Variants in FGD4 observed in about 807,000 individuals in gnomAD.
FGD4 encodes FYVE, RhoGEF and PH domain containing 4, also known as FYVE, RhoGEF and PH domain-containing protein 4.
A neutral mutation model predicts 102.0 loss-of-function variants in FGD4; 42 were observed. The observed-to-expected ratio is 0.41, with a 90% CI of 0.32 to 0.53. FGD4 has a LOEUF of 0.53. Ranked by LOEUF, FGD4 falls within the 20% of genes least tolerant of loss-of-function variation. The probability of loss-of-function intolerance (pLI) is 0.21; values close to 1 mark genes in which losing one functional copy is unlikely to be tolerated. For synonymous variants in FGD4, 380 were observed against 375.7 expected, an observed-to-expected ratio of 1.01 and a Z score of -0.13; for missense variants, 902 against 1,078.2, an observed-to-expected ratio of 0.84 and a Z score of 2.29.
chr12:32,500,378 CTTATT>C (rs1359583089), intron 1 of FGD4, among the ~76,000 whole-genome samples: 29 of 148,658 alleles, frequency 2.0e-4, no homozygotes, highest in African/African-American at 4.7e-4. Flanking sequence ...TCTTTCTGAC[CTTATT>C]TTATTTTATT....
chr12:32,606,092 A>C (rs1333555846), intron 7 of FGD4, among the ~76,000 whole-genome samples: 1 of 152,220 alleles, frequency 6.6e-6, no homozygotes, highest in African/African-American at 2.4e-5. Flanking sequence ...TCTGAGCCAC[A>C]GTTTCTTCAT....
intron 1 of FGD4, among the ~76,000 whole-genome samples, chr12:32,562,933 C>A (rs970023537): frequency 2.2e-4 from 34 of 152,232 alleles, no homozygotes; most frequent in Admixed American, 6.5e-4. Flanking sequence ...GTTGGGTACA[C>A]CTCCCAGACG....
chr12:32,526,124 A>C (rs1303251387), intron 1 of FGD4, among the ~76,000 whole-genome samples: 1 of 152,242 alleles, frequency 6.6e-6, no homozygotes, highest in Non-Finnish European at 1.5e-5. Context: ...AGGTGAAGCC[A>C]GCTGGGCTCC....
chr12:32,399,694 A>C lies in FGD4; in HGVS notation c.-100A>C. 6.8e-7 allele frequency: 1 copy of C among 1,465,118 alleles called. No homozygotes were observed. Among genetic ancestry groups the C allele is most frequent in the Admixed American group, 2.4e-5 (1 of 41,824 alleles). 90.8% of individuals were successfully genotyped at this position (1,465,118 alleles called of 1,614,324 possible). On this transcript the variant is annotated 5_prime_UTR_variant, in exon 1 of 17. Coordinates refer to ENST00000534526, the MANE Select transcript of FGD4 (RefSeq NM_001370298.3). The stretch of plus-strand genomic sequence containing the variant: ...ACGCCGCAGTAGAGGGCGCCCCCGG[A>C]GTCGCGCCGAACCTGGGCATGCAGG...
chr12:32,629,682 C>T (rs1261852722), intron 14 of FGD4, among the ~76,000 whole-genome samples: 1 of 151,994 alleles, frequency 6.6e-6, no homozygotes, highest in African/African-American at 2.4e-5. Context: ...CCATTTTGTT[C>T]ATTTACTGTT....
chr12:32,599,695 G>A (rs1948237853), intron 5 of FGD4, among the ~76,000 whole-genome samples: 1 of 149,880 alleles, frequency 6.7e-6, no homozygotes, highest in Non-Finnish European at 1.5e-5. Context: ...TTACAGGCAT[G>A]CACCACCCAC....
chr12:32,446,555 T>C (rs1369511875), intron 1 of FGD4, among the ~76,000 whole-genome samples: 1 of 152,154 alleles, frequency 6.6e-6, no homozygotes, highest in African/African-American at 2.4e-5. Context: ...GAACAGTTCC[T>C]GAAATGAGGC....
intron 3 of FGD4, 35 bp from the exon 4 acceptor site, chr12:32,581,925 A>G (rs1422080521): frequency 6.8e-6 from 11 of 1,611,896 alleles, no homozygotes; most frequent in Middle Eastern, 3.3e-4. Flanking sequence ...TTCCATACCA[A>G]TGTTTTCATG....
chr12:32,616,065 A>C (rs1208917454), intron 10 of FGD4, among the ~76,000 whole-genome samples: 4 of 152,200 alleles, frequency 2.6e-5, no homozygotes, highest in Admixed American at 2.0e-4. Flanking sequence ...TGCTTAATAC[A>C]TCATTCTAGG....
intron 1 of FGD4, among the ~76,000 whole-genome samples, chr12:32,418,125 T>A (rs1941494824): frequency 6.6e-6 from 1 of 151,772 alleles, no homozygotes; most frequent in Admixed American, 6.6e-5. Flanking sequence ...CCCGGCTAAT[T>A]TTTTGTATTT....
chr12:32,448,522 T>A (rs1003774222), intron 1 of FGD4, among the ~76,000 whole-genome samples: 2 of 152,014 alleles, frequency 1.3e-5, no homozygotes, highest in Non-Finnish European at 2.9e-5. Context: ...CCAGGTGCGG[T>A]GGCACATGCC....
At chr12:32,508,082 T>G (rs1470162169) in intron 1 of FGD4, among the ~76,000 whole-genome samples, 2 of 152,158 alleles carry the variant, frequency 1.3e-5, no homozygotes, top group African/African-American at 4.8e-5. Context: ...TTCAGTGTGA[T>G]TGACATAGCA....
chr12:32,643,671 T>C lies in FGD4; in HGVS notation c.*3138T>C, dbSNP rs1259306580. The C allele has an allele frequency of 1.5e-5, 1 of 66,314 alleles. No individual in the cohort carries two copies. The highest frequency in any genetic ancestry group is 3.3e-5 in the Non-Finnish European group (1 of 30,330). 4.1% of individuals were successfully genotyped at this position (66,314 alleles called of 1,614,324 possible). On this transcript the variant is annotated 3_prime_UTR_variant, in exon 17 of 17. Transcript: ENST00000534526. ...TATATATATACGCACACGTTTGGAT[T>C]TTTTTTTTTTAAGAACACTTGTTCT... is the stretch of plus-strand genomic sequence containing the variant.
chr12:32,508,616 A>G (rs1939033815), intron 1 of FGD4, among the ~76,000 whole-genome samples: 1 of 152,214 alleles, frequency 6.6e-6, no homozygotes, highest in South Asian at 2.1e-4. Context: ...GTTAAGTCCA[A>G]CACTGCATGT....
intron 1 of FGD4, among the ~76,000 whole-genome samples, chr12:32,450,493 T>A (rs1170803791): frequency 6.6e-6 from 1 of 152,190 alleles, no homozygotes; most frequent in Admixed American, 6.5e-5. Context: ...TTTGACAAGT[T>A]CTTATAATTC....
At chr12:32,438,610 G>GTTTGTT (rs148955585) in intron 1 of FGD4, among the ~76,000 whole-genome samples, 17 of 149,848 alleles carry the variant, frequency 1.1e-4, no homozygotes, top group Middle Eastern at 3.4e-3. Flanking sequence ...TTGTTTGTTT[G>GTTTGTT]TGTGTGTTTT....
At chr12:32,480,727 C>T (rs1470798941) in intron 1 of FGD4, among the ~76,000 whole-genome samples, 5 of 149,910 alleles carry the variant, frequency 3.3e-5, no homozygotes, top group Admixed American at 6.6e-5. Flanking sequence ...TCTTGCTCTC[C>T]TGACCTCGTG....
intron 1 of FGD4, among the ~76,000 whole-genome samples, chr12:32,473,288 G>A (rs936223063): frequency 1.3e-5 from 2 of 151,886 alleles, no homozygotes; most frequent in Non-Finnish European, 2.9e-5. Context: ...TTGTTCTTTT[G>A]CTCTTTGCAA....
At position 32,447,456 on chromosome 12, in the gene FGD4, C is replaced by A. The variant is rs193112194; in HGVS notation, c.166+47497C>A. On this transcript the variant is annotated intron_variant, in intron 1 of 16. Coordinates refer to ENST00000534526, the MANE Select transcript of FGD4 (RefSeq NM_001370298.3). ...GAGGCTACTAAACTTATTCTTTTAA[C>A]CTTTAACCTTTCCAGAGTTAAAATT... Among the ~76,000 whole-genome samples the A allele has an allele frequency of 3.9e-5, 6 of 152,260 alleles. No individual in the cohort carries two copies. In the South Asian group the frequency reaches 6.2e-4, roughly 16 times the overall value.
Sources: gnomAD v4.1 joint callset for allele counts (sites outside exome capture counted in the v4.1 genomes callset) on GRCh38, gnomAD v4.1.1 for gene constraint, MANE v1.5 for transcripts, NCBI Gene and HGNC (gene_info 2026-07-23, HGNC 2026-07-21) for gene names.